The following TRAPPC9 variants were observed in gnomAD, a reference collection of about 807,000 sequenced individuals.
The protein encoded by TRAPPC9 is trafficking protein particle complex subunit 9.
A neutral mutation model predicts 124.0 loss-of-function variants in TRAPPC9; 83 were observed. That is an observed-to-expected ratio of 0.67 (90% confidence interval 0.56 to 0.80). The LOEUF (loss-of-function observed/expected upper bound fraction) is 0.80, where lower values mean the gene tolerates loss of function less well. Ranked by LOEUF, TRAPPC9 falls within the 30% of genes least tolerant of loss-of-function variation. TRAPPC9 has a pLI of 0.00. For synonymous variants in TRAPPC9, 638 were observed against 617.5 expected (o/e 1.03, Z -0.49); for missense variants, 1,302 against 1,508.3 (o/e 0.86, Z 2.27).
intron 10 of TRAPPC9, among the ~76,000 whole-genome samples, chr8:140,305,557 C>T (rs1191093604): frequency 2.0e-5 from 3 of 152,226 alleles, no homozygotes; most frequent in Non-Finnish European, 4.4e-5. Flanking sequence ...CTGCCTCGGC[C>T]TCCCAAAGTG....
At chr8:140,120,792 A>C (rs2060972496) in intron 17 of TRAPPC9, among the ~76,000 whole-genome samples, 1 of 142,086 alleles carries the variant, frequency 7.0e-6, no homozygotes, top group African/African-American at 2.7e-5. Flanking sequence ...CATCCATCCA[A>C]CATCCATCCA....
intron 17 of TRAPPC9, among the ~76,000 whole-genome samples, chr8:140,146,180 T>C (rs572640230): frequency 6.6e-6 from 1 of 152,386 alleles, no homozygotes; most frequent in African/African-American, 2.4e-5. Context: ...TTGGAAATGT[T>C]ATATATCTAA....
chr8:139,943,609 A>T (rs1045368239), intron 19 of TRAPPC9, among the ~76,000 whole-genome samples: 2 of 152,242 alleles, frequency 1.3e-5, no homozygotes, highest in African/African-American at 4.8e-5. Context: ...TGCAATTAGC[A>T]GACAAAGATT....
chr8:140,047,167 A>T (rs908755652), intron 17 of TRAPPC9, among the ~76,000 whole-genome samples: 1 of 152,172 alleles, frequency 6.6e-6, no homozygotes, highest in African/African-American at 2.4e-5. Flanking sequence ...GGAGCTAAAT[A>T]TAGCTCCTCA....
intron 17 of TRAPPC9, among the ~76,000 whole-genome samples, chr8:140,091,370 G>A (rs186235401): frequency 2.6e-4 from 39 of 152,354 alleles, no homozygotes; most frequent in African/African-American, 8.7e-4. Flanking sequence ...AGACTGGCAG[G>A]AAGATGGATG....
intron 21 of TRAPPC9, among the ~76,000 whole-genome samples, chr8:139,789,550 T>G (rs112184791): frequency 1.3e-5 from 2 of 152,164 alleles, no homozygotes; most frequent in Non-Finnish European, 2.9e-5. Flanking sequence ...TCTGAGAGCT[T>G]CCTATGGGCC....
At chr8:140,394,244 T>C (rs1389549411) in intron 7 of TRAPPC9, among the ~76,000 whole-genome samples, 1 of 152,146 alleles carries the variant, frequency 6.6e-6, no homozygotes, top group Non-Finnish European at 1.5e-5. Flanking sequence ...CCCAACCAAA[T>C]TGTCTGCAAT....
intron 20 of TRAPPC9, among the ~76,000 whole-genome samples, chr8:139,887,939 T>C (rs1203825404): frequency 6.6e-6 from 1 of 152,212 alleles, no homozygotes; most frequent in African/African-American, 2.4e-5. Flanking sequence ...GCACAGCCCG[T>C]AGCCCCTCCA....
At position 140,270,881 on chromosome 8, in the gene TRAPPC9, C is replaced by T. The variant is rs1407268857; in HGVS notation, c.2278+4777G>A. Among the ~76,000 whole-genome samples, 4 of 152,336 alleles carry T rather than the reference C, an allele frequency of 2.6e-5. No homozygotes were observed. The East Asian group carries it at 5.8e-4, about 22-fold the overall frequency. The stretch of plus-strand genomic sequence containing the variant: ...CAAGCATGGGGCAGAGGCTGGGCCA[C>T]ACAGGGCCGCGGGGGCCAGGGCGAC... On this transcript the variant is annotated intron_variant, in intron 15 of 22. Transcript: ENST00000438773.
chr8:139,912,723 CT>C (rs1351268017), intron 19 of TRAPPC9, among the ~76,000 whole-genome samples: 15 of 152,216 alleles, frequency 9.9e-5, no homozygotes, highest in Non-Finnish European at 2.2e-4. Context: ...TGAATTACCC[CT>C]GAGGTCTGAA....
intron 20 of TRAPPC9, among the ~76,000 whole-genome samples, chr8:139,894,325 C>T (rs1324352119): frequency 6.6e-6 from 1 of 152,192 alleles, no homozygotes; most frequent in African/African-American, 2.4e-5. Context: ...CAATGCCAAC[C>T]CCCAACGAGA....
intron 17 of TRAPPC9, among the ~76,000 whole-genome samples, chr8:140,035,645 G>A (rs754380438): frequency 1.2e-4 from 18 of 152,134 alleles, no homozygotes; most frequent in Non-Finnish European, 2.2e-4. Flanking sequence ...GGTGAGGTAC[G>A]TTGCTCCAGT....
chr8:140,250,174 TACA>T (rs1027099542), intron 16 of TRAPPC9, among the ~76,000 whole-genome samples: 5 of 152,218 alleles, frequency 3.3e-5, no homozygotes, highest in African/African-American at 7.2e-5. Flanking sequence ...AAATGGGAAT[TACA>T]ACATTTACTT....
chr8:140,136,837 C>T (rs185271362), intron 17 of TRAPPC9, among the ~76,000 whole-genome samples: 11 of 152,212 alleles, frequency 7.2e-5, no homozygotes, highest in Admixed American at 2.6e-4. Context: ...ACAGCCCGAG[C>T]GGACAGGGTG....
intron 1 of TRAPPC9, among the ~76,000 whole-genome samples, chr8:140,453,514 C>CCATTCTGCATATGCAGAGCCCAAAA (rs55883233): frequency 1.3e-5 from 2 of 151,792 alleles, no homozygotes; most frequent in East Asian, 3.9e-4. Context: ...GGGGGCTATC[C>CCATTCTGCATATGCAGAGCCCAAAA]TGGACATCAC....
chr8:139,840,267 T>C (rs926248849), intron 21 of TRAPPC9, among the ~76,000 whole-genome samples: 1 of 152,232 alleles, frequency 6.6e-6, no homozygotes, highest in Non-Finnish European at 1.5e-5. Flanking sequence ...TCCTCTCAGA[T>C]GCTGAGGAAC....
At chr8:140,003,495 A>G (rs2131810068) in intron 18 of TRAPPC9, among the ~76,000 whole-genome samples, 1 of 151,872 alleles carries the variant, frequency 6.6e-6, no homozygotes, top group East Asian at 1.9e-4. Context: ...CCAGCTACTC[A>G]GGAGGCTAAG....
At chr8:140,365,464 T>G (rs761076230) in intron 8 of TRAPPC9, among the ~76,000 whole-genome samples, 3 of 152,218 alleles carry the variant, frequency 2.0e-5, no homozygotes, top group Non-Finnish European at 2.9e-5. Flanking sequence ...CAGCTAGCCT[T>G]GGCGTGGATT....
chr8:139,733,467 C>A (rs1475479903), intron 21 of TRAPPC9, among the ~76,000 whole-genome samples: 1 of 152,196 alleles, frequency 6.6e-6, no homozygotes, highest in Non-Finnish European at 1.5e-5. Context: ...GCCCTTCCTG[C>A]TGGGCAAAGG....
Sources: allele counts gnomAD v4.1 joint callset (sites outside exome capture counted in the v4.1 genomes callset), GRCh38; gene constraint gnomAD v4.1.1; transcripts MANE v1.5; gene names NCBI Gene and HGNC (gene_info 2026-07-23, HGNC 2026-07-21).